PCDHGC4: variants seen among roughly 807,000 people sequenced by gnomAD.
The protein encoded by PCDHGC4 is protocadherin gamma subfamily C, 4.
In PCDHGC4, 15 loss-of-function variants were observed where a neutral mutation model predicts 59.7. The ratio of observed to expected loss-of-function variants is 0.25; its 90% CI spans 0.17 to 0.39. The LOEUF (loss-of-function observed/expected upper bound fraction) is 0.39, where lower values mean the gene tolerates loss of function less well. Ranked by LOEUF, PCDHGC4 falls within the 10% of genes least tolerant of loss-of-function variation. PCDHGC4 has a pLI of 1.00. For missense variants in PCDHGC4, 1,016 were observed against 1,189.5 expected (o/e 0.85, Z 2.15); for synonymous variants, 434 against 481.4 (o/e 0.90, Z 1.29).
chr5:141,503,304 A>G (rs946582779), intron 2 of PCDHGC4, among the ~76,000 whole-genome samples: 1 of 152,150 alleles, frequency 6.6e-6, no homozygotes, highest in African/African-American at 2.4e-5. Flanking sequence ...ATTGCTCAAG[A>G]AAGAATTGTT....
chr5:141,505,287 TG>T, intron 2 of PCDHGC4, 105 bp from the exon 3 acceptor site: 1 of 1,550,864 alleles, frequency 6.4e-7, no homozygotes, highest in Middle Eastern at 2.1e-4. Context: ...GTCTTGGGCA[TG>T]GGGTAGGGTT....
In PCDHGC4 at chr5:141,511,421, G is replaced by A. The variant is rs1289887363; in HGVS notation, c.*248G>A. 19 of 829,148 alleles carry A rather than the reference G, an allele frequency of 2.3e-5. No individual in the cohort carries two copies. The highest frequency in any genetic ancestry group is 3.8e-4 in the Middle Eastern group (1 of 2,640). 51.4% of individuals were successfully genotyped at this position (829,148 alleles called of 1,614,324 possible). On this transcript the variant is annotated 3_prime_UTR_variant, in exon 4 of 4. Coordinates refer to ENST00000306593, the MANE Select transcript of PCDHGC4 (RefSeq NM_018928.3). The stretch of plus-strand genomic sequence containing the variant: ...CCAATCAACTGCTGTACCCATGGGG[G>A]TAGTGGGGTTACTGTAGACACCAAG...
At position 141,511,108 on chromosome 5, in the gene PCDHGC4, G is replaced by A; in HGVS notation, c.2752G>A (p.Asp918Asn). The A allele has an allele frequency of 6.2e-7, 1 of 1,614,244 alleles. No homozygotes were observed. The highest frequency in any genetic ancestry group is 2.2e-5 in the East Asian group (1 of 44,882). Residue 918 changes from aspartate (D) to asparagine (N), a missense_variant, in exon 4 of 4, where the codon GAT (aspartate) becomes AAT (asparagine). Physicochemically the swap from Asp to Asn is conservative, Grantham distance 23. Coordinates refer to ENST00000306593, the MANE Select transcript of PCDHGC4 (RefSeq NM_018928.3). ...ATLTNAAGKR[D>N]GKAPAGGNGN... Reference sequence around the variant, plus strand: ...ACTGACCAACGCAGCTGGCAAGCGGGATGGCAAGGCCCCAGCAGGTGGCAA... The same window carrying A: ...ACTGACCAACGCAGCTGGCAAGCGGAATGGCAAGGCCCCAGCAGGTGGCAA...
chr5:141,506,398 A>T (rs902405970), intron 3 of PCDHGC4, among the ~76,000 whole-genome samples: 6 of 151,394 alleles, frequency 4.0e-5, no homozygotes, highest in Admixed American at 2.6e-4. Context: ...GTGAGCAGAA[A>T]ATCGCACCAC....
At position 141,490,456 on chromosome 5, in the gene PCDHGC4, C is replaced by G. The variant is rs370141879; in HGVS notation, c.2442+2841C>G. On this transcript the variant is annotated intron_variant, in intron 1 of 3. Transcript: ENST00000306593. The surrounding 1 kb of genome is among the most constrained non-coding windows in gnomAD (Gnocchi z 5.4). The stretch of plus-strand genomic sequence containing the variant: ...TAAGCCTTCTGAGAACCACTACTCG[C>G]TGCTAACCAGCCAGCCTTTGGACCG... 3.7e-6 allele frequency: 6 copies of G among 1,614,114 alleles called. No individual in the cohort carries two copies. Among genetic ancestry groups the G allele is most frequent in the Non-Finnish European group, 5.1e-6 (6 of 1,180,058 alleles).
intron 3 of PCDHGC4, among the ~76,000 whole-genome samples, chr5:141,508,439 T>C (rs1037512760): frequency 1.3e-5 from 2 of 152,188 alleles, no homozygotes; most frequent in African/African-American, 4.8e-5. Flanking sequence ...ACACAGTTCC[T>C]TAGTGGCAGA....
chr5:141,497,406 C>T lies in PCDHGC4; in HGVS notation c.2501+2541C>T, dbSNP rs892691245. 1.2e-4 allele frequency among the ~76,000 whole-genome samples: 19 copies of T among 152,174 alleles called. No individual in the cohort carries two copies. The East Asian group carries it at 1.5e-3, about 12-fold the overall frequency. ...AGCACCTTACCCCTGCCTCAACTCC[C>T]ATTCCATCAAATGAGAGGCTTAGTG... On this transcript the variant is annotated intron_variant, in intron 2 of 3. Transcript: ENST00000306593.
intron 2 of PCDHGC4, among the ~76,000 whole-genome samples, chr5:141,503,166 A>T (rs1246987375): frequency 1.3e-5 from 2 of 151,884 alleles, no homozygotes; most frequent in Admixed American, 1.3e-4. Context: ...CACAATTGCA[A>T]TTACTCTATT....
rs1243327893 is a variant in PCDHGC4, at chr5:141,491,671, C to G, written c.2443-3136C>G. 1 of 1,613,484 alleles carries G rather than the reference C, an allele frequency of 6.2e-7. No homozygotes were observed. Among genetic ancestry groups the G allele is most frequent in the Admixed American group, 1.7e-5 (1 of 60,034 alleles). On this transcript the variant is annotated intron_variant, in intron 1 of 3. Transcript: ENST00000306593. This position sits in a 1 kb window ranked among gnomAD's most constrained non-coding sequence, Gnocchi z 6.9. ...GCTGGAGCCTGACGCCATCCGGTCC[C>G]GCTCTAATACGCTGCGGGAGCGGAG...
chr5:141,500,384 T>C (rs956708207), intron 2 of PCDHGC4, among the ~76,000 whole-genome samples: 1 of 151,894 alleles, frequency 6.6e-6, no homozygotes, highest in African/African-American at 2.4e-5. Context: ...AATTATTTTG[T>C]ATTTTTAGTA....
In PCDHGC4 at chr5:141,491,907, G is replaced by A; in HGVS notation, c.2443-2900G>A. 5 of 1,408,726 alleles carry A rather than the reference G, an allele frequency of 3.5e-6. No homozygotes were observed. In the South Asian group the frequency reaches 7.5e-5, roughly 21 times the overall value. The allele number at this position is 1,408,726 out of a possible 1,614,324, so 87.3% of individuals were successfully genotyped here. A position where few individuals can be genotyped will look rare whatever the true frequency, so the allele number is the denominator to read the frequency against. ...TGGGGCTCCGAGCACCGGGGGTGGTGGCGACTGTGGGCGAGGGGAGGTGGG... is the reference window on the plus strand; with the variant it reads ...TGGGGCTCCGAGCACCGGGGGTGGTAGCGACTGTGGGCGAGGGGAGGTGGG... On this transcript the variant is annotated intron_variant, in intron 1 of 3. Coordinates refer to ENST00000306593, the MANE Select transcript of PCDHGC4 (RefSeq NM_018928.3). This position sits in a 1 kb window ranked among gnomAD's most constrained non-coding sequence, Gnocchi z 6.9.
chr5:141,490,480 C>A lies in PCDHGC4; in HGVS notation c.2442+2865C>A, dbSNP rs564439931. ...GCTGCTAACCAGCCAGCCTTTGGAC[C>A]GGGAGGCCACATCCCACTATATCAT... On this transcript the variant is annotated intron_variant, in intron 1 of 3. Transcript: ENST00000306593. The surrounding 1 kb of genome is among the most constrained non-coding windows in gnomAD (Gnocchi z 5.4). 2.5e-5 allele frequency: 40 copies of A among 1,614,076 alleles called. No homozygotes were observed. The highest frequency in any genetic ancestry group is 5.9e-6 in the Non-Finnish European group (7 of 1,180,058).
At chr5:141,502,024 C>G (rs2099812413) in intron 2 of PCDHGC4, among the ~76,000 whole-genome samples, 1 of 152,152 alleles carries the variant, frequency 6.6e-6, no homozygotes, top group African/African-American at 2.4e-5. Context: ...TCCCTGCAAC[C>G]CCCGCCGCTT....
intron 1 of PCDHGC4, among the ~76,000 whole-genome samples, chr5:141,492,095 CT>C (rs1047956109): frequency 6.6e-6 from 1 of 152,232 alleles, no homozygotes; most frequent in African/African-American, 2.4e-5. Context: ...CTTCGCCGGT[CT>C]GTAGATTTCC....
In PCDHGC4 at chr5:141,512,088, A is replaced by G. The variant is rs192947391; in HGVS notation, c.*915A>G. 2.6e-5 allele frequency: 4 copies of G among 152,772 alleles called. No individual in the cohort carries two copies. Among genetic ancestry groups the G allele is most frequent in the Admixed American group, 6.5e-5 (1 of 15,306 alleles). 9.5% of individuals were successfully genotyped at this position (152,772 alleles called of 1,614,324 possible). On this transcript the variant is annotated 3_prime_UTR_variant, in exon 4 of 4. Transcript: ENST00000306593. ...TCCTCCAGATTCCAGCCATAAACCAATAACTAGGCTGGACCCTTCCCACTA... is the reference window on the plus strand; with the variant it reads ...TCCTCCAGATTCCAGCCATAAACCAGTAACTAGGCTGGACCCTTCCCACTA...
At chr5:141,488,519 G>C (rs1210943979) in intron 1 of PCDHGC4, among the ~76,000 whole-genome samples, 1 of 152,184 alleles carries the variant, frequency 6.6e-6, no homozygotes, top group Non-Finnish European at 1.5e-5. Flanking sequence ...GGGGTCTGGG[G>C]TGTCAGAAAA....
intron 2 of PCDHGC4, among the ~76,000 whole-genome samples, chr5:141,496,391 A>G (rs1473991011): frequency 1.3e-5 from 2 of 151,930 alleles, no homozygotes; most frequent in Admixed American, 6.6e-5. Flanking sequence ...ACCTTACCCT[A>G]CCTCCTCAAT....
At chr5:141,509,650 T>C (rs1484029268) in intron 3 of PCDHGC4, among the ~76,000 whole-genome samples, 1 of 152,188 alleles carries the variant, frequency 6.6e-6, no homozygotes, top group African/African-American at 2.4e-5. Context: ...GGCCAGAGTG[T>C]GGACTTCTCT....
intron 2 of PCDHGC4, among the ~76,000 whole-genome samples, chr5:141,503,950 C>T (rs1216385793): frequency 3.3e-5 from 5 of 152,180 alleles, no homozygotes; most frequent in Non-Finnish European, 7.3e-5. Flanking sequence ...CAAGGCCTAC[C>T]CTACAGCCTT....
Sources: gnomAD v4.1 joint callset for allele counts (sites outside exome capture counted in the v4.1 genomes callset) on GRCh38, gnomAD v4.1.1 for gene constraint, Gnocchi (gnomAD v3.1) non-coding constraint, MANE v1.5 for transcripts, NCBI Gene and HGNC (gene_info 2026-07-23, HGNC 2026-07-21) for gene names.